Variants in MTDH observed in about 807,000 individuals in gnomAD.
MTDH encodes the protein protein LYRIC.
In MTDH, 34 loss-of-function variants were observed where a neutral mutation model predicts 72.7. That is an observed-to-expected ratio of 0.47 (90% confidence interval 0.36 to 0.62). The LOEUF is 0.62. MTDH is among the 20% of genes least tolerant of loss of function. The pLI is 0.00. For missense variants in MTDH, 677 were observed against 699.4 expected (o/e 0.97, Z 0.36); for synonymous variants, 266 against 268.9 (o/e 0.99, Z 0.10).
At position 97,725,902 on chromosome 8, in the gene MTDH, A is replaced by C. The variant is rs1815331565; in HGVS notation, c.*1232A>C. 2 of 152,610 alleles carry C rather than the reference A, an allele frequency of 1.3e-5. No individual in the cohort carries two copies. Among genetic ancestry groups the C allele is most frequent in the Non-Finnish European group, 1.5e-5 (1 of 68,026 alleles). 9.5% of individuals were successfully genotyped at this position (152,610 alleles called of 1,614,324 possible). The stretch of plus-strand genomic sequence containing the variant: ...GCCATGTACACTGTAAATAGCCTTT[A>C]CCAAACGTGTTTGACAAGGACCATA... On this transcript the variant is annotated 3_prime_UTR_variant, in exon 12 of 12. Coordinates refer to ENST00000336273, the MANE Select transcript of MTDH (RefSeq NM_178812.4).
At position 97,730,019 on chromosome 8, in the gene MTDH, A is replaced by G. The variant is rs1448705011; in HGVS notation, c.*5349A>G. Among the ~76,000 whole-genome samples the G allele has an allele frequency of 2.0e-5, 3 of 152,220 alleles. No homozygotes were observed. The highest frequency in any genetic ancestry group is 4.4e-5 in the Non-Finnish European group (3 of 68,032). ...CAGGACGATGATTTCTAACCCTAGC[A>G]TCATGACATGTATATAGTGTGTTGT... On this transcript the variant is annotated 3_prime_UTR_variant, in exon 12 of 12. Transcript: ENST00000336273.
intron 1 of MTDH, among the ~76,000 whole-genome samples, chr8:97,649,210 C>T (rs1273044077): frequency 6.6e-6 from 1 of 152,176 alleles, no homozygotes; most frequent in African/African-American, 2.4e-5. Context: ...TGACTGTATT[C>T]TAATAGTATG....
Position 97,722,893 on chromosome 8 carries a change from TC to T in MTDH, c.1538del (p.Pro513HisfsTer10). On this transcript the variant is annotated frameshift_variant, in exon 11 of 12. Transcript: ENST00000336273. LOFTEE classifies it high-confidence loss of function. ...TCCTAAAATAGCCTATCAAGACTCT[TC>T]CACCTGCTACTTCTACCGAGCCATC... The part of the protein sequence containing the change: ...VKNSQPIKTL[P>X]PATSTEPSVI... 6.2e-7 allele frequency: 1 copy of T among 1,611,394 alleles called. No homozygotes were observed. The highest frequency in any genetic ancestry group is 8.5e-7 in the Non-Finnish European group (1 of 1,179,256).
chr8:97,687,519 C>G lies in MTDH; in HGVS notation c.659C>G (p.Thr220Ser). 6.2e-7 allele frequency: 1 copy of G among 1,613,666 alleles called. No individual in the cohort carries two copies. Among genetic ancestry groups the G allele is most frequent in the Non-Finnish European group, 8.5e-7 (1 of 1,179,750 alleles). ...ACTGATTCTGGTTCATTGGATTCAA[C>G]TATCCCTGGGATAGAAAATACCATC... ...VLTDSGSLDS[T>S]IPGIENTITV... is the part of the protein sequence containing the mutation. Residue 220 changes from threonine to serine, a missense_variant, in exon 4 of 12, where the codon ACT (threonine) becomes AGT (serine). Around this residue, in one of 3 missense-constraint regions of MTDH, gnomAD observed 467 missense variants for 469.1 expected, o/e 1.00. Coordinates refer to ENST00000336273, the MANE Select transcript of MTDH (RefSeq NM_178812.4).
intron 4 of MTDH, among the ~76,000 whole-genome samples, 138 bp from the exon 5 acceptor site, chr8:97,688,880 GTGTTGTAAAATTGACTTTTT>G (rs1813473143): frequency 6.6e-6 from 1 of 152,148 alleles, no homozygotes; most frequent in Non-Finnish European, 1.5e-5. Context: ...CAAGTGAAAT[GTGTTGTAAAATTGACTTTTT>G]TCCAGTGGAA....
chr8:97,689,618 T>G (rs367858067), intron 5 of MTDH, among the ~76,000 whole-genome samples: 4 of 152,112 alleles, frequency 2.6e-5, no homozygotes, highest in African/African-American at 9.7e-5. Context: ...AAGATTGAAT[T>G]AAGTAGAGTG....
chr8:97,691,041 G>A lies in MTDH; in HGVS notation c.901G>A (p.Glu301Lys), dbSNP rs774476682. Residue 301 changes from glutamate to lysine, a missense_variant, in exon 6 of 12, where the codon GAG (glutamate) becomes AAG (lysine). By Grantham distance (56) the Glu-to-Lys change is moderately conservative. Coordinates refer to ENST00000336273, the MANE Select transcript of MTDH (RefSeq NM_178812.4). ...VKLSSQISAGEEKWNSVSPAS... is the reference protein window; with the variant it reads ...VKLSSQISAGKEKWNSVSPAS... ...ACTCTCCTCACAGATCAGTGCAGGT[G>A]AGGAGAAGTGGAACTCCGTTTCACC... 6.2e-7 allele frequency: 1 copy of A among 1,614,164 alleles called. No individual in the cohort carries two copies. The highest frequency in any genetic ancestry group is 2.2e-5 in the East Asian group (1 of 44,884).
intron 9 of MTDH, 119 bp from the exon 10 acceptor site, chr8:97,718,930 A>C (rs1023979838): frequency 1.1e-6 from 1 of 890,622 alleles, no homozygotes; most frequent in Non-Finnish European, 1.7e-6. Context: ...TCCTGAGCTC[A>C]AGCAATTCAC....
At chr8:97,712,284 C>G (rs942799209) in intron 8 of MTDH, among the ~76,000 whole-genome samples, 1 of 152,178 alleles carries the variant, frequency 6.6e-6, no homozygotes, top group African/African-American at 2.4e-5. Flanking sequence ...GGGATCCACC[C>G]GCCTTGGCCT....
At chr8:97,697,379 C>T (rs1160265343) in intron 6 of MTDH, among the ~76,000 whole-genome samples, 4 of 129,206 alleles carry the variant, frequency 3.1e-5, no homozygotes, top group African/African-American at 6.2e-5. Context: ...ATTATTATTT[C>T]GGTTTTTTTT....
intron 2 of MTDH, among the ~76,000 whole-genome samples, chr8:97,676,138 C>G (rs1287051382): frequency 1.3e-5 from 2 of 152,098 alleles, no homozygotes; most frequent in Non-Finnish European, 2.9e-5. Context: ...CAGGGTCTCA[C>G]TGTATTGCCC....
chr8:97,693,258 A>T (rs866588491), intron 6 of MTDH, among the ~76,000 whole-genome samples: 13 of 152,134 alleles, frequency 8.5e-5, no homozygotes, highest in Non-Finnish European at 1.8e-4. Context: ...AAGTACGTAA[A>T]TTATTTTGGT....
rs902119185 is a variant in MTDH, at chr8:97,729,529, T to A, written c.*4859T>A. Among the ~76,000 whole-genome samples, 1 of 152,220 alleles carries A rather than the reference T, an allele frequency of 6.6e-6. No homozygotes were observed. The highest frequency in any genetic ancestry group is 1.5e-5 in the Non-Finnish European group (1 of 68,042). On this transcript the variant is annotated 3_prime_UTR_variant, in exon 12 of 12. Transcript: ENST00000336273. Reference sequence around the variant, plus strand: ...CAGTGTCTGTCAGAGTTGACATACATTGTGTATCTCCTGCACCAAAGCATT... The same window carrying A: ...CAGTGTCTGTCAGAGTTGACATACAATGTGTATCTCCTGCACCAAAGCATT...
intron 8 of MTDH, among the ~76,000 whole-genome samples, chr8:97,712,082 G>C (rs1188475197): frequency 1.3e-5 from 2 of 152,196 alleles, no homozygotes; most frequent in Non-Finnish European, 2.9e-5. Flanking sequence ...CTGTTACCCA[G>C]GCTGGAGTGC....
At chr8:97,645,840 A>C (rs1269446669) in intron 1 of MTDH, among the ~76,000 whole-genome samples, 1 of 152,236 alleles carries the variant, frequency 6.6e-6, no homozygotes, top group South Asian at 2.1e-4. Context: ...TATGGAGGGT[A>C]TGCAGAGTTA....
At chr8:97,716,338 A>T (rs1342571118) in intron 9 of MTDH, among the ~76,000 whole-genome samples, 2 of 151,628 alleles carry the variant, frequency 1.3e-5, no homozygotes, top group African/African-American at 4.8e-5. Context: ...GTGAGCCAAG[A>T]TCATGCCATT....
chr8:97,715,399 G>A, intron 9 of MTDH, among the ~76,000 whole-genome samples: 1 of 152,192 alleles, frequency 6.6e-6, no homozygotes. Context: ...AAAGTGCTGG[G>A]ATTACAGGTG....
At position 97,729,978 on chromosome 8, in the gene MTDH, G is replaced by A. The variant is rs1265766019; in HGVS notation, c.*5308G>A. Among the ~76,000 whole-genome samples the A allele has an allele frequency of 6.6e-6, 1 of 152,108 alleles. No homozygotes were observed. Among genetic ancestry groups the A allele is most frequent in the African/African-American group, 2.4e-5 (1 of 41,418 alleles). On this transcript the variant is annotated 3_prime_UTR_variant, in exon 12 of 12. Transcript: ENST00000336273. ...ATGAAAAAGGCATTACTATTGTTCT[G>A]GTCTAAGTACTCTAACAGGACGATG...
At chr8:97,718,727 G>T (rs1428659510) in intron 9 of MTDH, among the ~76,000 whole-genome samples, 3 of 150,010 alleles carry the variant, frequency 2.0e-5, no homozygotes, top group Non-Finnish European at 4.4e-5. Flanking sequence ...TTTTCTTTGA[G>T]ACAGAATCAC....
Sources: gnomAD v4.1 joint callset for allele counts (sites outside exome capture counted in the v4.1 genomes callset) on GRCh38, gnomAD v4.1.1 for gene constraint, gnomAD v4.1.1 regional missense constraint, MANE v1.5 for transcripts, NCBI Gene and HGNC (gene_info 2026-07-23, HGNC 2026-07-21) for gene names.